DCLK1: variants seen among roughly 807,000 people sequenced by gnomAD.
DCLK1 encodes serine/threonine-protein kinase DCLK1.
Under a neutral mutation model 86.2 loss-of-function variants are expected in DCLK1, and 16 were observed. The ratio of observed to expected loss-of-function variants is 0.19; its 90% CI spans 0.13 to 0.28. The LOEUF (loss-of-function observed/expected upper bound fraction) is 0.28, where lower values mean the gene tolerates loss of function less well. Among genes scored for constraint, DCLK1 ranks in the 10% least tolerant of loss-of-function variants. The probability of loss-of-function intolerance (pLI) is 1.00; values close to 1 mark genes in which losing one functional copy is unlikely to be tolerated. For synonymous variants in DCLK1, 369 were observed against 370.5 expected (o/e 1.00, Z 0.05); for missense variants, 590 against 940.2 (o/e 0.63, Z 4.87).
At chr13:35,880,938 T>C (rs1262905028) in intron 4 of DCLK1, among the ~76,000 whole-genome samples, 3 of 152,218 alleles carry the variant, frequency 2.0e-5, no homozygotes, top group Non-Finnish European at 4.4e-5. Context: ...CAAGGGCCTG[T>C]TCTCCCACAT....
At chr13:35,904,785 G>T (rs1238093565) in intron 4 of DCLK1, among the ~76,000 whole-genome samples, 1 of 152,174 alleles carries the variant, frequency 6.6e-6, no homozygotes, top group Non-Finnish European at 1.5e-5. Flanking sequence ...GCTCGGGCAC[G>T]GACAGCATGT....
At chr13:35,795,377 A>G (rs1043314239) in intron 15 of DCLK1, among the ~76,000 whole-genome samples, 4 of 152,210 alleles carry the variant, frequency 2.6e-5, no homozygotes, top group African/African-American at 9.6e-5. Context: ...GAATACCCAA[A>G]AGATCCCAGA....
At chr13:35,889,160 G>C (rs1873481353) in intron 4 of DCLK1, among the ~76,000 whole-genome samples, 1 of 152,148 alleles carries the variant, frequency 6.6e-6, no homozygotes, top group South Asian at 2.1e-4. Flanking sequence ...AGAAGCTATT[G>C]AACACTATGG....
At chr13:35,930,524 C>A (rs1876371487) in intron 4 of DCLK1, among the ~76,000 whole-genome samples, 1 of 152,098 alleles carries the variant, frequency 6.6e-6, no homozygotes, top group Non-Finnish European at 1.5e-5. Flanking sequence ...TCGTTTGAAC[C>A]CAGGAGAGGA....
chr13:36,125,730 G>C, intron 2 of DCLK1, 32 bp downstream of exon 2: 1 of 1,586,772 alleles, frequency 6.3e-7, no homozygotes, highest in Non-Finnish European at 8.6e-7. Context: ...GGAACCTGTA[G>C]GGTCACGTGG....
Position 35,839,136 on chromosome 13 carries a change from G to A in DCLK1, c.1076C>T (p.Thr359Ile). 1 of 1,595,756 alleles carries A rather than the reference G, an allele frequency of 6.3e-7. No homozygotes were observed. Among genetic ancestry groups the A allele is most frequent in the Non-Finnish European group, 8.5e-7 (1 of 1,171,356 alleles). The change falls in exon 7 of 17, where the codon ACC (threonine) becomes ATC (isoleucine). Residue 359 changes from threonine (T) to isoleucine (I), a missense_variant. Transcript: ENST00000360631. ...HGGSSTSLAS[T>I]KVCSSMDEND... ...CTCATCCATCGAGCTGCAGACTTTG[G>A]TGGACGCAAGTGACGTAGAGGAGCC...
In DCLK1 at chr13:35,948,651, A is replaced by G. The variant is rs1000210939; in HGVS notation, c.724-1194T>C. Among the ~76,000 whole-genome samples the G allele has an allele frequency of 3.9e-5, 6 of 152,220 alleles. No homozygotes were observed. The South Asian group carries it at 1.2e-3, about 32-fold the overall frequency. ...TGTGGGCTTTAGACTGTCTTTCCAA[A>G]TAATGTCTCATTTCTAAATAATCAC... On this transcript the variant is annotated intron_variant, in intron 3 of 16. Coordinates refer to ENST00000360631, the MANE Select transcript of DCLK1 (RefSeq NM_001330071.2).
At chr13:35,891,186 A>C (rs1873622708) in intron 4 of DCLK1, among the ~76,000 whole-genome samples, 4 of 152,164 alleles carry the variant, frequency 2.6e-5, no homozygotes, top group Admixed American at 2.0e-4. Flanking sequence ...ATGACCAATA[A>C]GGCAGATGAC....
intron 4 of DCLK1, among the ~76,000 whole-genome samples, chr13:35,881,906 T>C (rs1872926871): frequency 6.6e-6 from 1 of 152,202 alleles, no homozygotes; most frequent in Admixed American, 6.5e-5. Context: ...ATCTCCAATC[T>C]CATGCTAACG....
At chr13:36,038,779 G>A (rs1039547604) in intron 3 of DCLK1, among the ~76,000 whole-genome samples, 9 of 152,252 alleles carry the variant, frequency 5.9e-5, no homozygotes, top group South Asian at 4.2e-4. Flanking sequence ...GTGTTCATGC[G>A]TTAGACACTA....
intron 3 of DCLK1, among the ~76,000 whole-genome samples, chr13:35,983,392 C>T (rs1400373953): frequency 6.6e-6 from 1 of 152,140 alleles, no homozygotes; most frequent in Non-Finnish European, 1.5e-5. Context: ...TGTCTAGGAG[C>T]CAAGTTTGGC....
At chr13:35,984,781 C>A (rs905774831) in intron 3 of DCLK1, among the ~76,000 whole-genome samples, 4 of 152,104 alleles carry the variant, frequency 2.6e-5, no homozygotes, top group African/African-American at 4.8e-5. Flanking sequence ...CTCTTCACTA[C>A]CCCCCAGGCT....
At chr13:35,940,243 T>G (rs1198437763) in intron 4 of DCLK1, among the ~76,000 whole-genome samples, 1 of 132,682 alleles carries the variant, frequency 7.5e-6, no homozygotes, top group Non-Finnish European at 1.6e-5. Flanking sequence ...AATAAGTTAG[T>G]ATGAAGGGTC....
chr13:35,801,200 A>G (rs1471416991), intron 15 of DCLK1, among the ~76,000 whole-genome samples: 1 of 152,202 alleles, frequency 6.6e-6, no homozygotes, highest in Non-Finnish European at 1.5e-5. Context: ...ATATAATTTG[A>G]TTGCCAAATG....
At chr13:35,866,451 CTCT>C (rs1304504974) in intron 5 of DCLK1, among the ~76,000 whole-genome samples, 1 of 128,424 alleles carries the variant, frequency 7.8e-6, no homozygotes. Flanking sequence ...AAAACAAAGA[CTCT>C]TTTTTTTTTT....
intron 4 of DCLK1, among the ~76,000 whole-genome samples, chr13:35,911,417 C>T (rs760521246): frequency 8.5e-5 from 13 of 152,128 alleles, no homozygotes; most frequent in Non-Finnish European, 1.3e-4. Context: ...CTGCCCACCA[C>T]CACAGGACAC....
chr13:35,976,103 T>C (rs1274897386), intron 3 of DCLK1, among the ~76,000 whole-genome samples: 2 of 152,192 alleles, frequency 1.3e-5, no homozygotes, highest in Admixed American at 1.3e-4. Flanking sequence ...GCTCACTGTT[T>C]TCCTCGGGGT....
chr13:35,882,985 G>T (rs1340581412), intron 4 of DCLK1, among the ~76,000 whole-genome samples: 1 of 152,168 alleles, frequency 6.6e-6, no homozygotes, highest in African/African-American at 2.4e-5. Flanking sequence ...CTCTATATTG[G>T]TGGTCAGAGA....
At chr13:35,907,773 T>A (rs1874766986) in intron 4 of DCLK1, among the ~76,000 whole-genome samples, 1 of 150,182 alleles carries the variant, frequency 6.7e-6, no homozygotes, top group Admixed American at 6.6e-5. Flanking sequence ...AAGCATGGGT[T>A]AAACAGTCTT....
Sources: gnomAD v4.1 joint callset for allele counts (sites outside exome capture counted in the v4.1 genomes callset) on GRCh38, gnomAD v4.1.1 for gene constraint, MANE v1.5 for transcripts, NCBI Gene and HGNC (gene_info 2026-07-23, HGNC 2026-07-21) for gene names.